Variants in C4orf50 observed in about 807,000 individuals in gnomAD.
C4orf50 encodes chromosome 4 open reading frame 50, also known as uncharacterized protein C4orf50.
A neutral mutation model predicts 77.2 loss-of-function variants in C4orf50; 80 were observed. The observed-to-expected ratio is 1.04, with a 90% CI of 0.87 to 1.25. The LOEUF (loss-of-function observed/expected upper bound fraction) is 1.25, where lower values mean the gene tolerates loss of function less well. C4orf50 is among the 50% of genes most tolerant of loss of function. The pLI, the probability that C4orf50 is intolerant of heterozygous loss-of-function variation, is 0.00. For synonymous variants in C4orf50, 532 were observed against 465.3 expected, an observed-to-expected ratio of 1.14 and a Z score of -1.84; for missense variants, 1,257 against 1,152.9, an observed-to-expected ratio of 1.09 and a Z score of -1.31.
chr4:5,962,389 A>G (rs1719320653), intron 33 of C4orf50, among the ~76,000 whole-genome samples: 1 of 152,250 alleles, frequency 6.6e-6, no homozygotes, highest in Non-Finnish European at 1.5e-5. Context: ...ACTTGGAACC[A>G]TAAGGGTATT....
rs1404040704 is a variant in C4orf50 at position 6,009,494 on chromosome 4, G to T, written c.427-962C>A. ...GGAACGTGGGGCAGATAAAAGTCAG[G>T]GTCAGATTCCCTGGGAGGACAATTC... On this transcript the variant is annotated intron_variant, in intron 24 of 33. Transcript: ENST00000531445. The surrounding 1 kb of genome is among the most constrained non-coding windows in gnomAD (Gnocchi z 5.6). Among the ~76,000 whole-genome samples, 1 of 152,134 alleles carries T rather than the reference G, an allele frequency of 6.6e-6. No homozygotes were observed. Among genetic ancestry groups the T allele is most frequent in the Admixed American group, 6.5e-5 (1 of 15,274 alleles).
At chr4:5,948,213 A>G (rs1027230766) in intron 7 of C4orf50, among the ~76,000 whole-genome samples, 7 of 152,226 alleles carry the variant, frequency 4.6e-5, no homozygotes, top group Non-Finnish European at 1.0e-4. Flanking sequence ...CGAAAATTCA[A>G]TTAACTGAGG....
At chr4:5,955,170 G>A (rs1195252502), downstream of C4orf50, among the ~76,000 whole-genome samples, 1 of 152,194 alleles carries the variant, frequency 6.6e-6, no homozygotes, top group Non-Finnish European at 1.5e-5. This position sits in a 1 kb window ranked among gnomAD's most constrained non-coding sequence, Gnocchi z 5.1. Flanking sequence ...AGATAAAGCA[G>A]TGGCGGCACT....
downstream of C4orf50, among the ~76,000 whole-genome samples, chr4:5,953,411 C>A (rs565559741): frequency 2.9e-4 from 44 of 152,324 alleles, no homozygotes; most frequent in African/African-American, 1.0e-3. Context: ...CAATCATCCC[C>A]ACTGCCTTGA....
downstream of C4orf50, among the ~76,000 whole-genome samples, chr4:5,956,100 T>C (rs1368916074): frequency 1.3e-5 from 2 of 152,148 alleles, no homozygotes; most frequent in Non-Finnish European, 2.9e-5. Flanking sequence ...TGTGGTTAGG[T>C]GATTTCCTCA....
At chr4:5,964,423 G>C (rs142186849) in intron 33 of C4orf50, among the ~76,000 whole-genome samples, 53 of 133,388 alleles carry the variant, frequency 4.0e-4, no homozygotes, top group African/African-American at 1.5e-3. Flanking sequence ...ATACTGTCAG[G>C]CCTCAAATTG....
At chr4:5,944,862 GA>G (rs1316160845) in intron 7 of C4orf50, among the ~76,000 whole-genome samples, 1 of 152,164 alleles carries the variant, frequency 6.6e-6, no homozygotes, top group Non-Finnish European at 1.5e-5. Context: ...TCAGAGAGGA[GA>G]GGACTAACAC....
intron 31 of C4orf50, among the ~76,000 whole-genome samples, chr4:5,971,282 A>T (rs1719892618): frequency 6.6e-6 from 1 of 152,016 alleles, no homozygotes; most frequent in Admixed American, 6.5e-5. Flanking sequence ...GCAGCACTGG[A>T]CCCGCTTCCT....
chr4:5,941,808 C>T (rs890886946), intron 7 of C4orf50, among the ~76,000 whole-genome samples: 4 of 152,174 alleles, frequency 2.6e-5, no homozygotes, highest in African/African-American at 4.8e-5. Context: ...GTTGGCCTGG[C>T]GCCAGGCCAA....
At chr4:5,967,451 G>T in exon 32 of C4orf50, 1 of 1,614,030 alleles carries the variant, frequency 6.2e-7, no homozygotes, top group Non-Finnish European at 8.5e-7. Flanking sequence ...TGACGTCCAG[G>T]TGGTGGCTTG....
At chr4:5,964,878 T>C (rs932755895) in intron 33 of C4orf50, 146 bp downstream of exon 11, 5 of 617,418 alleles carry the variant, frequency 8.1e-6, no homozygotes, top group African/African-American at 7.5e-5. Flanking sequence ...ACCAGGGGGC[T>C]GTTCGGGAGT....
At chr4:5,942,108 G>A (rs572164527) in intron 7 of C4orf50, among the ~76,000 whole-genome samples, 2 of 152,216 alleles carry the variant, frequency 1.3e-5, no homozygotes, top group African/African-American at 2.4e-5. Context: ...GGAAGCTTTA[G>A]GGAGAGGTAG....
At position 5,960,454 on chromosome 4, in the gene C4orf50, G is replaced by A. The variant is rs895009861; in HGVS notation, c.4276-828C>T. ...GCCGACTTCTCCACCAGTTCCAGGA[G>A]GCAAGAGCAGCCGCAGGTTTGCAAT... On this transcript the variant is annotated intron_variant, in intron 33 of 33. Transcript: ENST00000531445. Among the ~76,000 whole-genome samples, 5 of 152,204 alleles carry A rather than the reference G, an allele frequency of 3.3e-5. No individual in the cohort carries two copies. The South Asian group carries it at 1.0e-3, about 32-fold the overall frequency.
chr4:5,989,439 C>T (rs889271700), exon 28 of C4orf50: 13 of 1,535,958 alleles, frequency 8.5e-6, no homozygotes, highest in African/African-American at 5.5e-5. Flanking sequence ...CTTTAGACTT[C>T]GCTTCTTCAT....
At chr4:5,910,659 C>T (rs952958745) in intron 7 of C4orf50, among the ~76,000 whole-genome samples, 2 of 152,176 alleles carry the variant, frequency 1.3e-5, no homozygotes, top group Admixed American at 6.5e-5. Flanking sequence ...AGTTCCTCAA[C>T]CAATAACCTC....
intron 7 of C4orf50, among the ~76,000 whole-genome samples, chr4:5,907,329 A>G (rs1560535545): frequency 6.6e-6 from 1 of 152,226 alleles, no homozygotes; most frequent in Admixed American, 6.5e-5. Context: ...ACACTAAAAG[A>G]TGCTAATTTC....
At chr4:5,929,844 T>G (rs1489166294) in intron 7 of C4orf50, among the ~76,000 whole-genome samples, 1 of 152,242 alleles carries the variant, frequency 6.6e-6, no homozygotes, top group East Asian at 1.9e-4. Flanking sequence ...GGCAATTAAG[T>G]GTTGAAGATG....
chr4:5,983,329 T>G (rs1720698441), intron 28 of C4orf50, among the ~76,000 whole-genome samples: 1 of 152,242 alleles, frequency 6.6e-6, no homozygotes, highest in East Asian at 1.9e-4. Flanking sequence ...CAACCTGCCT[T>G]GTGACAGCTT....
At chr4:5,969,213 A>AACTTTTAGG (rs1370802169) in intron 31 of C4orf50, among the ~76,000 whole-genome samples, 1 of 152,002 alleles carries the variant, frequency 6.6e-6, no homozygotes, top group East Asian at 1.9e-4. Flanking sequence ...TCCCCACGAA[A>AACTTTTAGG]ACTTTTAGGG....
Sources: gnomAD v4.1 joint callset for allele counts (sites outside exome capture counted in the v4.1 genomes callset) on GRCh38, gnomAD v4.1.1 for gene constraint, Gnocchi (gnomAD v3.1) non-coding constraint, MANE v1.5 for transcripts, NCBI Gene and HGNC (gene_info 2026-07-23, HGNC 2026-07-21) for gene names.